NHSL1: variants seen among roughly 807,000 people sequenced by gnomAD.
NHSL1 encodes NHS-like protein 1.
NHSL1 carries 48 observed loss-of-function variants against 95.0 expected under a neutral mutation model. The observed-to-expected ratio is 0.51, with a 90% confidence interval of 0.40 to 0.64. NHSL1 has a LOEUF of 0.64. Ranked by LOEUF, NHSL1 falls within the 30% of genes least tolerant of loss-of-function variation. The pLI, the probability that NHSL1 is intolerant of heterozygous loss-of-function variation, is 0.00. For missense variants in NHSL1, 1,971 were observed against 2,077.7 expected, an observed-to-expected ratio of 0.95 and a Z score of 1.00; for synonymous variants, 783 against 833.9, an observed-to-expected ratio of 0.94 and a Z score of 1.05.
chr6:138,571,384 C>A (rs575159708), intron 1 of NHSL1: 16 of 274,250 alleles, frequency 5.8e-5, no homozygotes, highest in Admixed American at 4.6e-4. Context: ...GCAGAAGATT[C>A]TCTCTAGCTA....
chr6:138,689,446 T>G (rs1186398085), intron 1 of NHSL1, among the ~76,000 whole-genome samples: 1 of 152,360 alleles, frequency 6.6e-6, no homozygotes, highest in Non-Finnish European at 1.5e-5. Context: ...TTTTGAGGAA[T>G]GGCAAACTTG....
intron 1 of NHSL1, among the ~76,000 whole-genome samples, chr6:138,566,778 A>T (rs1004694465): frequency 6.6e-6 from 1 of 152,004 alleles, no homozygotes; most frequent in African/African-American, 2.4e-5. Flanking sequence ...TCAGAAGAAA[A>T]AATAATAATA....
chr6:138,422,660 T>C lies in NHSL1; in HGVS notation c.*1421A>G, dbSNP rs1774991499. Reference sequence around the variant, plus strand: ...GGAGTAAGGGTGGGGGTAATGAGATTATTACATTAAAATAAAGACTTCACA... The same window carrying C: ...GGAGTAAGGGTGGGGGTAATGAGATCATTACATTAAAATAAAGACTTCACA... On this transcript the variant is annotated 3_prime_UTR_variant, in exon 8 of 8. Transcript: ENST00000343505. 6.6e-6 allele frequency: 1 copy of C among 152,180 alleles called. No individual in the cohort carries two copies. The highest frequency in any genetic ancestry group is 1.5e-5 in the Non-Finnish European group (1 of 68,042). 9.4% of individuals were successfully genotyped at this position (152,180 alleles called of 1,614,324 possible). A position where few individuals can be genotyped will look rare whatever the true frequency, so the allele number is the denominator to read the frequency against.
chr6:138,579,382 A>G (rs1391240423), intron 1 of NHSL1, among the ~76,000 whole-genome samples: 1 of 152,216 alleles, frequency 6.6e-6, no homozygotes, highest in Admixed American at 6.5e-5. Context: ...TATAGCAATC[A>G]TTCCTTTATC....
At chr6:138,565,122 T>C (rs1367522249) in intron 1 of NHSL1, among the ~76,000 whole-genome samples, 1 of 152,154 alleles carries the variant, frequency 6.6e-6, no homozygotes, top group African/African-American at 2.4e-5. Context: ...TTCTTGTTTT[T>C]CTGAGACAGA....
intron 3 of NHSL1, among the ~76,000 whole-genome samples, chr6:138,455,936 G>A (rs1777583794): frequency 6.6e-6 from 1 of 152,318 alleles, no homozygotes; most frequent in African/African-American, 2.4e-5. Flanking sequence ...AACAGACATT[G>A]TCTATTGAAT....
intron 1 of NHSL1, among the ~76,000 whole-genome samples, chr6:138,585,018 G>A (rs1038346313): frequency 6.6e-6 from 1 of 152,144 alleles, no homozygotes; most frequent in Non-Finnish European, 1.5e-5. Flanking sequence ...TTGAACCCCG[G>A]CATGCTACAG....
Position 138,424,324 on chromosome 6 carries a change from C to G in NHSL1, c.4578G>C (p.Ser1526=), listed in dbSNP as rs555109760. The change falls in exon 8 of 8, where the codon TCG becomes TCC. Residue 1526 remains serine, a synonymous_variant. Coordinates refer to ENST00000343505, the MANE Select transcript of NHSL1 (RefSeq NM_001144060.2). The surrounding 1 kb of genome is among the most constrained non-coding windows in gnomAD (Gnocchi z 5.9). ...RIQSSPMTVI[S]EGEGEAVEPV... ...GCTCCACGGCTTCCCCTTCTCCCTC[C>G]GAGATGACGGTCATGGGGCTGCTCT... is the stretch of plus-strand genomic sequence containing the variant. 4 of 1,531,144 alleles carry G rather than the reference C, an allele frequency of 2.6e-6. No homozygotes were observed. The highest frequency in any genetic ancestry group is 4.1e-5 in the Admixed American group (2 of 49,090). 94.8% of individuals were successfully genotyped at this position (1,531,144 alleles called of 1,614,324 possible).
At chr6:138,674,142 A>G (rs377395815) in intron 1 of NHSL1, among the ~76,000 whole-genome samples, 11 of 152,308 alleles carry the variant, frequency 7.2e-5, no homozygotes, top group Admixed American at 2.0e-4. Context: ...AAAAAAAGCA[A>G]CAAATTTTTT....
chr6:138,482,307 G>A (rs1038841146), intron 2 of NHSL1, among the ~76,000 whole-genome samples: 7 of 152,066 alleles, frequency 4.6e-5, no homozygotes, highest in South Asian at 2.1e-4. Context: ...TTAGCTGGGC[G>A]TGGTGGCGGG....
At chr6:138,573,159 C>A (rs879067588), upstream of NHSL1, among the ~76,000 whole-genome samples, 1 of 152,146 alleles carries the variant, frequency 6.6e-6, no homozygotes, top group Non-Finnish European at 1.5e-5. Flanking sequence ...CAGAGAGCTA[C>A]GCTAGTGGCA....
intron 2 of NHSL1, among the ~76,000 whole-genome samples, chr6:138,474,655 T>C (rs1248740934): frequency 2.6e-5 from 4 of 152,224 alleles, no homozygotes; most frequent in Non-Finnish European, 4.4e-5. Context: ...CAGTTACTTA[T>C]AGGTCAAAAA....
At chr6:138,427,622 C>G (rs1775349852) in intron 7 of NHSL1, among the ~76,000 whole-genome samples, 1 of 152,130 alleles carries the variant, frequency 6.6e-6, no homozygotes, top group Admixed American at 6.5e-5. Flanking sequence ...AGTGCTTAAA[C>G]AGTTAACACT....
chr6:138,431,337 T>A lies in NHSL1; in HGVS notation c.3008A>T (p.Asp1003Val). The A allele has an allele frequency of 6.6e-7, 1 of 1,525,210 alleles. No homozygotes were observed. Among genetic ancestry groups the A allele is most frequent in the Non-Finnish European group, 8.8e-7 (1 of 1,133,900 alleles). The allele number at this position is 1,525,210 out of a possible 1,614,324, so 94.5% of individuals were successfully genotyped here. A position where few individuals can be genotyped will look rare whatever the true frequency, so the allele number is the denominator to read the frequency against. ...GGGCAATGGCAAGGACACAGGTGAA[T>A]CTGGAAGAATGGGGCTCAGTGCAGG... ...PRPALSPILP[D>V]SPVSLPLPPP... The change falls in exon 6 of 8, where the codon GAT becomes GTT. Residue 1003 changes from aspartate to valine, a missense_variant. By Grantham distance (152) the Asp-to-Val change is radical (BLOSUM62 -3). Around this residue, in one of 3 missense-constraint regions of NHSL1, gnomAD observed 1,602 missense variants for 1,654.5 expected, o/e 0.97. Coordinates refer to ENST00000343505, the MANE Select transcript of NHSL1 (RefSeq NM_001144060.2). This position sits in a 1 kb window ranked among gnomAD's most constrained non-coding sequence, Gnocchi z 4.0.
chr6:138,500,441 A>T (rs1294049599), upstream of NHSL1, among the ~76,000 whole-genome samples: 1 of 152,232 alleles, frequency 6.6e-6, no homozygotes, highest in Non-Finnish European at 1.5e-5. Flanking sequence ...TAGATCCGGA[A>T]ATACTATGAC....
intron 1 of NHSL1, among the ~76,000 whole-genome samples, chr6:138,581,869 T>C (rs1254060315): frequency 6.6e-6 from 1 of 150,626 alleles, no homozygotes; most frequent in Non-Finnish European, 1.5e-5. Context: ...GGAAAAAAAA[T>C]TAGATTTTGA....
Position 138,432,520 on chromosome 6 carries a change from C to G in NHSL1, c.1825G>C (p.Ala609Pro). 1.9e-6 allele frequency: 3 copies of G among 1,552,220 alleles called. No individual in the cohort carries two copies. The highest frequency in any genetic ancestry group is 2.6e-6 in the Non-Finnish European group (3 of 1,147,082). ...TGTCCAGAGTCAGTGTGCACAGATGCACAGTAGCCATCGTGGTCCTCAGAA... is the reference window on the plus strand; with the variant it reads ...TGTCCAGAGTCAGTGTGCACAGATGGACAGTAGCCATCGTGGTCCTCAGAA... ...LYSEDHDGYC[A>P]SVHTDSGHGS... Residue 609 changes from alanine (A) to proline (P), a missense_variant, in exon 6 of 8, where the codon GCA (alanine) becomes CCA (proline). Around this residue, in one of 3 missense-constraint regions of NHSL1, gnomAD observed 1,602 missense variants for 1,654.5 expected, o/e 0.97. Transcript: ENST00000343505. The surrounding 1 kb of genome is among the most constrained non-coding windows in gnomAD (Gnocchi z 4.4).
chr6:138,442,645 G>A (rs1251058170), intron 4 of NHSL1, among the ~76,000 whole-genome samples: 1 of 152,162 alleles, frequency 6.6e-6, no homozygotes, highest in Non-Finnish European at 1.5e-5. Flanking sequence ...TAATTGTTGT[G>A]GTGTGACATA....
intron 1 of NHSL1, among the ~76,000 whole-genome samples, chr6:138,654,823 A>G (rs1247816579): frequency 6.6e-6 from 1 of 152,224 alleles, no homozygotes; most frequent in Non-Finnish European, 1.5e-5. Flanking sequence ...CGAGGTGGGG[A>G]AAAGCCAGTT....
Sources: allele counts gnomAD v4.1 joint callset (sites outside exome capture counted in the v4.1 genomes callset), GRCh38; gene constraint gnomAD v4.1.1; regional missense constraint gnomAD v4.1.1; non-coding constraint Gnocchi (gnomAD v3.1); transcripts MANE v1.5; gene names NCBI Gene and HGNC (gene_info 2026-07-23, HGNC 2026-07-21).